MIGA2: variants seen among roughly 807,000 people sequenced by gnomAD.
The protein encoded by MIGA2 is mitoguardin 2, also known as family with sequence similarity 73, member B.
MIGA2 carries 36 observed loss-of-function variants against 69.9 expected under a neutral mutation model. That is an observed-to-expected ratio of 0.52 (90% CI 0.39 to 0.68). MIGA2 has a LOEUF of 0.68. MIGA2 is among the 30% of genes least tolerant of loss of function. The pLI, the probability that MIGA2 is intolerant of heterozygous loss-of-function variation, is 0.00. For missense variants in MIGA2, 660 were observed against 787.7 expected, an observed-to-expected ratio of 0.84 and a Z score of 1.94; for synonymous variants, 333 against 349.2, an observed-to-expected ratio of 0.95 and a Z score of 0.52.
intron 5 of MIGA2, 25 bp from the exon 6 acceptor site, chr9:129,049,802 C>A: frequency 6.2e-7 from 1 of 1,613,548 alleles, no homozygotes; most frequent in Non-Finnish European, 8.5e-7. Flanking sequence ...TGCTGACCCA[C>A]GCTTTTCGCC....
intron 10 of MIGA2, 72 bp downstream of exon 10, chr9:129,063,388 T>C: frequency 1.3e-6 from 2 of 1,580,108 alleles, no homozygotes; most frequent in Non-Finnish European, 1.7e-6. Flanking sequence ...CTGTGTGGCA[T>C]GTATGTGGCC....
chr9:129,053,051 C>T (rs1845629086), intron 6 of MIGA2, among the ~76,000 whole-genome samples: 2 of 152,146 alleles, frequency 1.3e-5, no homozygotes, highest in Non-Finnish European at 2.9e-5. Context: ...ATTACATATT[C>T]CTTATCAAAT....
At position 129,069,255 on chromosome 9, in the gene MIGA2, G is replaced by C; in HGVS notation, c.1458+126G>C. ...CACCGCTCACAGTCCTGGCCCCCTT[G>C]TTCCGCCGTTACCTCTCCCTGTGCC... On this transcript the variant is annotated intron_variant, in intron 14 of 15. Transcript: ENST00000684074. The surrounding 1 kb of genome is among the most constrained non-coding windows in gnomAD (Gnocchi z 4.9). The C allele has an allele frequency of 4.2e-6, 5 of 1,203,844 alleles. No homozygotes were observed. Among genetic ancestry groups the C allele is most frequent in the South Asian group, 1.2e-5 (1 of 81,204 alleles). 74.6% of individuals were successfully genotyped at this position (1,203,844 alleles called of 1,614,324 possible). A position where few individuals can be genotyped will look rare whatever the true frequency, so the allele number is the denominator to read the frequency against.
At chr9:129,041,482 A>AG (rs1203912857) in intron 2 of MIGA2, among the ~76,000 whole-genome samples, 1 of 152,140 alleles carries the variant, frequency 6.6e-6, no homozygotes, top group Non-Finnish European at 1.5e-5. Context: ...CAACAGGGTA[A>AG]GACTCCGTCT....
Position 129,069,022 on chromosome 9 carries a change from G to C in MIGA2, c.1405-54G>C. The C allele has an allele frequency of 6.2e-7, 1 of 1,605,022 alleles. No homozygotes were observed. The highest frequency in any genetic ancestry group is 1.3e-5 in the African/African-American group (1 of 74,850). On this transcript the variant is annotated intron_variant, in intron 13 of 15. Transcript: ENST00000684074. This position sits in a 1 kb window ranked among gnomAD's most constrained non-coding sequence, Gnocchi z 4.9. ...GGTGCTGGGCTGGCAGAGGGCGAGG[G>C]GCTGTGGGCTAGGCCCATTTTGACA...
In MIGA2 at chr9:129,059,413, C is replaced by T. The variant is rs779682573; in HGVS notation, c.793+142C>T. On this transcript the variant is annotated intron_variant, in intron 7 of 15. Transcript: ENST00000684074. The surrounding 1 kb of genome is among the most constrained non-coding windows in gnomAD (Gnocchi z 5.6). ...CAGGGCTCTCCGACCTCGCGTGATC[C>T]AGCACCTTATGGCACAGATGGGGAA... 3.2e-5 allele frequency: 21 copies of T among 652,444 alleles called. No individual in the cohort carries two copies. Among genetic ancestry groups the T allele is most frequent in the Non-Finnish European group, 5.7e-5 (21 of 369,828 alleles). 40.4% of individuals were successfully genotyped at this position (652,444 alleles called of 1,614,324 possible).
At chr9:129,044,801 GGCTGGTCTCAA>G (rs1845122796) in intron 3 of MIGA2, among the ~76,000 whole-genome samples, 1 of 149,950 alleles carries the variant, frequency 6.7e-6, no homozygotes, top group Admixed American at 6.7e-5. Flanking sequence ...GTGTTGGCCA[GGCTGGTCTCAA>G]ACTCCTGGCC....
At chr9:129,051,716 C>A (rs970060891) in intron 6 of MIGA2, among the ~76,000 whole-genome samples, 2 of 151,676 alleles carry the variant, frequency 1.3e-5, no homozygotes, top group African/African-American at 2.4e-5. Flanking sequence ...CTTGCCTCAG[C>A]CTCCCCAGTA....
chr9:129,061,361 AGG>A lies in MIGA2; in HGVS notation c.1010+17_1010+18del. 1.9e-6 allele frequency: 1 copy of A among 514,872 alleles called. No individual in the cohort carries two copies. The highest frequency in any genetic ancestry group is 3.7e-6 in the Non-Finnish European group (1 of 266,682). The allele number at this position is 514,872 out of a possible 1,614,324, so 31.9% of individuals were successfully genotyped here. ...CGGACCCTCAGGTGAGCAGGTGTGG[AGG>A]GAGGGAGGGAGGGAGCAGGAGGCGA... On this transcript the variant is annotated intron_variant, in intron 9 of 15. Coordinates refer to ENST00000684074, the MANE Select transcript of MIGA2 (RefSeq NM_001329990.2). The surrounding 1 kb of genome is among the most constrained non-coding windows in gnomAD (Gnocchi z 5.0).
intron 1 of MIGA2, among the ~76,000 whole-genome samples, chr9:129,038,636 AG>A (rs1474477080): frequency 6.6e-6 from 1 of 152,008 alleles, no homozygotes; most frequent in Non-Finnish European, 1.5e-5. Context: ...CATTGTACTG[AG>A]CACAAAGTCT....
Position 129,068,453 on chromosome 9 carries a change from C to T in MIGA2, c.1404+121C>T, listed in dbSNP as rs771911192. ...GCTGGGCCCCCACCCCCTAGATCCG[C>T]GGCTGCCAGGCCTGGGAGACCAGAG... is the stretch of plus-strand genomic sequence containing the variant. On this transcript the variant is annotated intron_variant, in intron 13 of 15. Coordinates refer to ENST00000684074, the MANE Select transcript of MIGA2 (RefSeq NM_001329990.2). This position sits in a 1 kb window ranked among gnomAD's most constrained non-coding sequence, Gnocchi z 4.1. The T allele has an allele frequency of 2.6e-5, 37 of 1,402,974 alleles. 1 individual carries two copies. In the South Asian group the frequency reaches 3.1e-4, roughly 12 times the overall value. 86.9% of individuals were successfully genotyped at this position (1,402,974 alleles called of 1,614,324 possible).
intron 11 of MIGA2, 189 bp from the exon 12 acceptor site, chr9:129,067,584 G>T: frequency 1.7e-6 from 1 of 593,468 alleles, no homozygotes; most frequent in African/African-American, 1.9e-5. Context: ...CTTGAGACCT[G>T]ACTGGGTGCC....
At chr9:129,051,272 A>ATTT (rs1350946617) in intron 6 of MIGA2, 1 of 174,690 alleles carries the variant, frequency 5.7e-6, no homozygotes, top group African/African-American at 2.7e-5. Flanking sequence ...TTATTTATTT[A>ATTT]TTTATTTATT....
Position 129,060,580 on chromosome 9 carries a change from G to A in MIGA2, c.824G>A (p.Gly275Asp). The change falls in exon 8 of 16, where the codon GGC becomes GAC. Residue 275 changes from glycine (G) to aspartate (D), a missense_variant. Physicochemically the swap from Gly to Asp is moderately conservative, Grantham distance 94. Coordinates refer to ENST00000684074, the MANE Select transcript of MIGA2 (RefSeq NM_001329990.2). The surrounding 1 kb of genome is among the most constrained non-coding windows in gnomAD (Gnocchi z 4.8). ...ACCCTCATGCTGCCCCTGACCGAGGGCTCGCTGCGGCTGCGGGCGGACGAT... is the reference window on the plus strand; with the variant it reads ...ACCCTCATGCTGCCCCTGACCGAGGACTCGCTGCGGCTGCGGGCGGACGAT... Reference protein sequence around the residue: ...ERTLMLPLTEGSLRLRADDED... With the variant: ...ERTLMLPLTEDSLRLRADDED... 1.2e-6 allele frequency: 2 copies of A among 1,605,356 alleles called. No individual in the cohort carries two copies. The highest frequency in any genetic ancestry group is 1.3e-5 in the African/African-American group (1 of 74,916).
At chr9:129,049,566 T>C in intron 5 of MIGA2, 68 bp downstream of exon 5, 1 of 1,491,848 alleles carries the variant, frequency 6.7e-7, no homozygotes, top group Non-Finnish European at 9.3e-7. Flanking sequence ...TCCTAGGAGC[T>C]TGGCCAGTCT....
At chr9:129,052,693 A>T (rs1265830332) in intron 6 of MIGA2, among the ~76,000 whole-genome samples, 2 of 152,142 alleles carry the variant, frequency 1.3e-5, no homozygotes. Context: ...GCCGAGAGCC[A>T]GCTGGCAGGG....
In MIGA2 at chr9:129,060,469, TG is replaced by T; in HGVS notation, c.794-76del. 1 of 1,172,706 alleles carries T rather than the reference TG, an allele frequency of 8.5e-7. No individual in the cohort carries two copies. Among genetic ancestry groups the T allele is most frequent in the Non-Finnish European group, 1.2e-6 (1 of 821,532 alleles). The allele number at this position is 1,172,706 out of a possible 1,614,324, so 72.6% of individuals were successfully genotyped here. A position where few individuals can be genotyped will look rare whatever the true frequency, so the allele number is the denominator to read the frequency against. ...GGGATGAAGCCTCCCCTGGGCCTGA[TG>T]GGGGACTTCGTGTACCGGGATTCCA... On this transcript the variant is annotated intron_variant, in intron 7 of 15. Transcript: ENST00000684074. This position sits in a 1 kb window ranked among gnomAD's most constrained non-coding sequence, Gnocchi z 4.8.
In MIGA2 at chr9:129,070,365, T is replaced by G; in HGVS notation, c.1694T>G (p.Leu565Arg). 1 of 1,612,792 alleles carries G rather than the reference T, an allele frequency of 6.2e-7. No individual in the cohort carries two copies. The highest frequency in any genetic ancestry group is 8.5e-7 in the Non-Finnish European group (1 of 1,179,900). ...TCCCGGCGCCGCAGCGAGATATTGC[T>G]GGGGTACCTGGGGGTGCCCGCGGCC... is the stretch of plus-strand genomic sequence containing the variant. ...QLSRRRSEIL[L>R]GYLGVPAASS... Residue 565 changes from leucine to arginine, a missense_variant, in exon 16 of 16, where the codon CTG becomes CGG. Physicochemically the swap from Leu to Arg is moderately radical, Grantham distance 102. Coordinates refer to ENST00000684074, the MANE Select transcript of MIGA2 (RefSeq NM_001329990.2).
At chr9:129,037,743 G>A (rs1463614680) in intron 1 of MIGA2, among the ~76,000 whole-genome samples, 1 of 152,134 alleles carries the variant, frequency 6.6e-6, no homozygotes, top group Non-Finnish European at 1.5e-5. Context: ...CACCATGTGG[G>A]CTTCTCACTT....
Sources: gnomAD v4.1 joint callset for allele counts (sites outside exome capture counted in the v4.1 genomes callset) on GRCh38, gnomAD v4.1.1 for gene constraint, Gnocchi (gnomAD v3.1) non-coding constraint, MANE v1.5 for transcripts, NCBI Gene and HGNC (gene_info 2026-07-23, HGNC 2026-07-21) for gene names.